The following SRC variants were observed in gnomAD, a reference collection of about 807,000 sequenced individuals.
SRC encodes proto-oncogene tyrosine-protein kinase Src.
Under a neutral mutation model 62.9 loss-of-function variants are expected in SRC, and 13 were observed. The ratio of observed to expected loss-of-function variants is 0.21; its 90% CI spans 0.13 to 0.33. The LOEUF is 0.33. Ranked by LOEUF, SRC falls within the 10% of genes least tolerant of loss-of-function variation. The pLI, the probability that SRC is intolerant of heterozygous loss-of-function variation, is 1.00. For missense variants in SRC, 457 were observed against 737.3 expected (o/e 0.62, Z 4.40); for synonymous variants, 302 against 317.5 (o/e 0.95, Z 0.52).
intron 1 of SRC, 131 bp downstream of exon 1, chr20:37,346,386 C>G (rs1033215990): frequency 3.3e-5 from 5 of 151,466 alleles, no homozygotes; most frequent in African/African-American, 7.2e-5. Context: ...CCCACCCCCC[C>G]TCCGGGCCAA....
intron 5 of SRC, among the ~76,000 whole-genome samples, chr20:37,390,233 A>T (rs1245475258): frequency 6.6e-6 from 1 of 152,126 alleles, no homozygotes; most frequent in East Asian, 1.9e-4. Flanking sequence ...CTTGCCCAAG[A>T]TCACACAGCA....
chr20:37,384,118 C>A lies in SRC; in HGVS notation c.-4-32C>A, dbSNP rs763022707. ...CGGCCAAGGGGCCCCGGCAGCCCTG[C>A]CTGTTCCAGTGTCTTCTCTCTCTCC... is the stretch of plus-strand genomic sequence containing the variant. On this transcript the variant is annotated intron_variant, in intron 3 of 13. Transcript: ENST00000373578. This position sits in a 1 kb window ranked among gnomAD's most constrained non-coding sequence, Gnocchi z 6.7. 11 of 1,592,708 alleles carry A rather than the reference C, an allele frequency of 6.9e-6. No homozygotes were observed. The highest frequency in any genetic ancestry group is 1.7e-5 in the Admixed American group (1 of 59,308).
At chr20:37,346,575 A>G (rs2069724452) in intron 1 of SRC, among the ~76,000 whole-genome samples, 1 of 149,618 alleles carries the variant, frequency 6.7e-6, no homozygotes, top group Admixed American at 6.6e-5. Flanking sequence ...GCTGGGCCCT[A>G]GCCCCCGGGC....
In SRC at chr20:37,402,203, C is replaced by T. The variant is rs951550999; in HGVS notation, c.1117-232C>T. On this transcript the variant is annotated intron_variant, in intron 11 of 13. Coordinates refer to ENST00000373578, the MANE Select transcript of SRC (RefSeq NM_198291.3). This position sits in a 1 kb window ranked among gnomAD's most constrained non-coding sequence, Gnocchi z 6.2. ...CTGGCTGCATCGGATCTCGTGCCTC[C>T]CCTTTGACCTTTGCCTTCTGCCCTC... The T allele has an allele frequency of 2.1e-6, 1 of 483,566 alleles. No homozygotes were observed. Among genetic ancestry groups the T allele is most frequent in the African/African-American group, 2.0e-5 (1 of 50,650 alleles). 30.0% of individuals were successfully genotyped at this position (483,566 alleles called of 1,614,324 possible). A position where few individuals can be genotyped will look rare whatever the true frequency, so the allele number is the denominator to read the frequency against.
At position 37,384,409 on chromosome 20, in the gene SRC, T is replaced by C. The variant is rs2070415111; in HGVS notation, c.250+6T>C. On this transcript the variant is annotated splice_donor_region_variant and intron_variant, in intron 4 of 13. Transcript: ENST00000373578. The surrounding 1 kb of genome is among the most constrained non-coding windows in gnomAD (Gnocchi z 6.7). The stretch of plus-strand genomic sequence containing the variant: ...GAGGGCGGGCCCGCTGGCCGGTCAG[T>C]GCGCGGGCGGCGCGGGGTCCTCGCC... 3 of 1,364,530 alleles carry C rather than the reference T, an allele frequency of 2.2e-6. No homozygotes were observed. The highest frequency in any genetic ancestry group is 2.8e-6 in the Non-Finnish European group (3 of 1,066,460). 84.5% of individuals were successfully genotyped at this position (1,364,530 alleles called of 1,614,324 possible). A position where few individuals can be genotyped will look rare whatever the true frequency, so the allele number is the denominator to read the frequency against.
intron 2 of SRC, among the ~76,000 whole-genome samples, chr20:37,371,489 AG>A (rs1364322973): frequency 6.6e-6 from 1 of 151,940 alleles, no homozygotes; most frequent in Admixed American, 6.6e-5. Context: ...GTGTAGCTAA[AG>A]GTTTGTCAAT....
chr20:37,357,081 CT>C (rs1477259158), intron 1 of SRC, among the ~76,000 whole-genome samples: 1 of 152,186 alleles, frequency 6.6e-6, no homozygotes, highest in Non-Finnish European at 1.5e-5. Flanking sequence ...ACTTGCTGGG[CT>C]GTGGGGGGCG....
chr20:37,401,753 G>A, intron 11 of SRC, 75 bp downstream of exon 11: 1 of 1,138,494 alleles, frequency 8.8e-7, no homozygotes, highest in Non-Finnish European at 1.2e-6. Flanking sequence ...GCCAGTTCTG[G>A]CCTCTTGAGT....
rs2070420288 is a variant in SRC, at chr20:37,384,593, C to T, written c.250+190C>T. Reference sequence around the variant, plus strand: ...CACTGTGAAGCGTCCGCGCCGCCGCCGCTGGCTTTGGGGTGGAGCAAGCGC... The same window carrying T: ...CACTGTGAAGCGTCCGCGCCGCCGCTGCTGGCTTTGGGGTGGAGCAAGCGC... On this transcript the variant is annotated intron_variant, in intron 4 of 13. Coordinates refer to ENST00000373578, the MANE Select transcript of SRC (RefSeq NM_198291.3). This position sits in a 1 kb window ranked among gnomAD's most constrained non-coding sequence, Gnocchi z 6.7. 6.6e-6 allele frequency among the ~76,000 whole-genome samples: 1 copy of T among 152,118 alleles called. No individual in the cohort carries two copies.
At chr20:37,348,197 C>T (rs1388688102) in intron 1 of SRC, among the ~76,000 whole-genome samples, 1 of 152,188 alleles carries the variant, frequency 6.6e-6, no homozygotes, top group African/African-American at 2.4e-5. Context: ...GGAGGAAGGC[C>T]CGTGGCTCTC....
In SRC at chr20:37,389,052, G is replaced by A. The variant is rs550398405; in HGVS notation, c.350+2878G>A. Among the ~76,000 whole-genome samples the A allele has an allele frequency of 1.9e-4, 29 of 152,248 alleles. 1 individual carries two copies. The highest frequency in any genetic ancestry group is 6.7e-4 in the African/African-American group (28 of 41,550). On this transcript the variant is annotated intron_variant, in intron 5 of 13. Coordinates refer to ENST00000373578, the MANE Select transcript of SRC (RefSeq NM_198291.3). ...TCAGGGCAGTAGAGAGCTAGAGGAG[G>A]AACCCGTCTGTGGATGGGGTCTGGC...
chr20:37,400,103 C>G lies in SRC; in HGVS notation c.860-12C>G. On this transcript the variant is annotated splice_polypyrimidine_tract_variant and intron_variant, in intron 9 of 13. Transcript: ENST00000373578. ...GGGCTCCACTGAGTCAGCCTGCATC[C>G]CTCCTCAACAGGGACCTGGAACGGT... The G allele has an allele frequency of 6.3e-7, 1 of 1,586,052 alleles. No homozygotes were observed. The highest frequency in any genetic ancestry group is 1.1e-5 in the South Asian group (1 of 88,262).
At chr20:37,382,030 G>A (rs547820587) in intron 2 of SRC, among the ~76,000 whole-genome samples, 119 of 152,252 alleles carry the variant, frequency 7.8e-4, no homozygotes, top group African/African-American at 2.6e-3. Context: ...GGCAGGGGGC[G>A]TCTCATAGCT....
chr20:37,402,934 G>T lies in SRC; in HGVS notation c.1402+54G>T. ...GTCCCTGAATCCCTCTGCCCTGGTG[G>T]CCTTGGGCAAGTCATGACTCCTGCT... On this transcript the variant is annotated intron_variant, in intron 13 of 13. Coordinates refer to ENST00000373578, the MANE Select transcript of SRC (RefSeq NM_198291.3). The surrounding 1 kb of genome is among the most constrained non-coding windows in gnomAD (Gnocchi z 6.2). 6.4e-7 allele frequency: 1 copy of T among 1,570,140 alleles called. No individual in the cohort carries two copies. The highest frequency in any genetic ancestry group is 8.6e-7 in the Non-Finnish European group (1 of 1,160,022).
chr20:37,374,902 C>A (rs1384369660), intron 2 of SRC, among the ~76,000 whole-genome samples: 7 of 151,258 alleles, frequency 4.6e-5, no homozygotes, highest in African/African-American at 1.7e-4. Context: ...CTTCTCTTTT[C>A]TAATTCCATT....
intron 2 of SRC, among the ~76,000 whole-genome samples, chr20:37,375,835 A>G (rs6018140): frequency 0.013 from 1,965 of 152,284 alleles, 36 homozygotes; most frequent in African/African-American, 0.045. Flanking sequence ...GGAGAGTCCA[A>G]TATCAAGGTG....
chr20:37,395,293 G>C (rs1028473934), intron 7 of SRC, among the ~76,000 whole-genome samples: 1 of 152,212 alleles, frequency 6.6e-6, no homozygotes, highest in Non-Finnish European at 1.5e-5. Context: ...GATCGCAGAG[G>C]GGGAGGTCTG....
upstream of SRC, chr20:37,344,997 G>T (rs1462570637): frequency 1.3e-5 from 2 of 152,208 alleles, no homozygotes; most frequent in African/African-American, 2.4e-5. Flanking sequence ...GCTCATTCCT[G>T]GTCTCCTGGA....
intron 1 of SRC, among the ~76,000 whole-genome samples, chr20:37,349,126 A>T (rs2069764262): frequency 6.6e-6 from 1 of 152,156 alleles, no homozygotes; most frequent in African/African-American, 2.4e-5. Context: ...CCCAAGCTGG[A>T]GGCCAGAGGT....
Sources: gnomAD v4.1 joint callset for allele counts (sites outside exome capture counted in the v4.1 genomes callset) on GRCh38, gnomAD v4.1.1 for gene constraint, Gnocchi (gnomAD v3.1) non-coding constraint, MANE v1.5 for transcripts, NCBI Gene and HGNC (gene_info 2026-07-23, HGNC 2026-07-21) for gene names.